PACSIN1: variants seen among roughly 807,000 people sequenced by gnomAD.
The protein encoded by PACSIN1 is protein kinase C and casein kinase substrate in neurons 1, also known as protein kinase C and casein kinase substrate in neurons protein 1.
In PACSIN1, 15 loss-of-function variants were observed where a neutral mutation model predicts 59.5. That is an observed-to-expected ratio of 0.25 (90% CI 0.17 to 0.39). PACSIN1 has a LOEUF of 0.39. PACSIN1 is among the 10% of genes least tolerant of loss of function. PACSIN1 has a pLI of 1.00. For missense variants in PACSIN1, 420 were observed against 580.2 expected, an observed-to-expected ratio of 0.72 and a Z score of 2.84; for synonymous variants, 210 against 220.6, an observed-to-expected ratio of 0.95 and a Z score of 0.42.
At chr6:34,486,537 A>G (rs935437265) in intron 1 of PACSIN1, among the ~76,000 whole-genome samples, 1 of 152,126 alleles carries the variant, frequency 6.6e-6, no homozygotes, top group African/African-American at 2.4e-5. Context: ...CAGGGAGGAC[A>G]CTGGGGTCCA....
chr6:34,468,607 G>T (rs1270914320), intron 1 of PACSIN1, among the ~76,000 whole-genome samples: 1 of 152,126 alleles, frequency 6.6e-6, no homozygotes, highest in African/African-American at 2.4e-5. Context: ...TCACCTGCAG[G>T]CCTTTGCACA....
intron 1 of PACSIN1, among the ~76,000 whole-genome samples, chr6:34,510,759 T>C (rs1285360725): frequency 6.6e-6 from 1 of 152,226 alleles, no homozygotes; most frequent in Non-Finnish European, 1.5e-5. Context: ...CTCACCTAGG[T>C]TGGAGTGCAG....
At chr6:34,511,027 TG>T (rs536081955) in intron 1 of PACSIN1, among the ~76,000 whole-genome samples, 197 of 152,342 alleles carry the variant, frequency 1.3e-3, no homozygotes, top group African/African-American at 4.2e-3. Context: ...TTATTTTTCT[TG>T]GTAGCACTGC....
intron 2 of PACSIN1, 134 bp downstream of exon 2, chr6:34,526,502 C>T (rs1003954142): frequency 1.5e-6 from 1 of 675,588 alleles, no homozygotes; most frequent in Non-Finnish European, 2.5e-6. Flanking sequence ...CCCTGGGTGT[C>T]CAACAGGCAG....
At chr6:34,468,761 T>A (rs1766531221) in intron 1 of PACSIN1, among the ~76,000 whole-genome samples, 1 of 152,202 alleles carries the variant, frequency 6.6e-6, no homozygotes, top group Admixed American at 6.5e-5. Flanking sequence ...ACAGCCTGGC[T>A]GCCTCCCCTG....
At chr6:34,487,004 CA>C (rs3042080) in intron 1 of PACSIN1, among the ~76,000 whole-genome samples, 256 of 133,812 alleles carry the variant, frequency 1.9e-3, no homozygotes, top group Admixed American at 1.9e-3. Context: ...CCATCTCTAC[CA>C]AAAAAAAAAA....
intron 1 of PACSIN1, among the ~76,000 whole-genome samples, chr6:34,482,516 C>T (rs1447613194): frequency 6.6e-6 from 1 of 152,122 alleles, no homozygotes; most frequent in Non-Finnish European, 1.5e-5. Context: ...ATCCACTCAT[C>T]CATTGATGGA....
chr6:34,530,205 A>G lies in PACSIN1; in HGVS notation c.789-38A>G. On this transcript the variant is annotated intron_variant, in intron 6 of 9. Transcript: ENST00000244458. This position sits in a 1 kb window ranked among gnomAD's most constrained non-coding sequence, Gnocchi z 4.4. ...CAAGGTTGAGGAGGGGCCATGTTGA[A>G]TCTGTGCCCTCCACCTCCCCCATCT... 1 of 1,580,680 alleles carries G rather than the reference A, an allele frequency of 6.3e-7. No individual in the cohort carries two copies. Among genetic ancestry groups the G allele is most frequent in the South Asian group, 1.2e-5 (1 of 86,362 alleles).
In PACSIN1 at chr6:34,528,703, G is replaced by A. The variant is rs1446674920; in HGVS notation, c.282G>A (p.Val94=). The change falls in exon 4 of 10, where the codon GTG becomes GTA. Residue 94 remains valine, a synonymous_variant. Coordinates refer to ENST00000244458, the MANE Select transcript of PACSIN1 (RefSeq NM_020804.5). ...CCATAATGACAGAGGCAGACAAGGT[G>A]AGCGAGCTGCACCAGGAGGTGAAGA... ...WGAIMTEADK[V]SELHQEVKNN... is the part of the protein sequence containing the mutation. 2 of 1,613,974 alleles carry A rather than the reference G, an allele frequency of 1.2e-6. No homozygotes were observed. Among genetic ancestry groups the A allele is most frequent in the Non-Finnish European group, 1.7e-6 (2 of 1,180,028 alleles).
chr6:34,492,547 C>T (rs1766893742), intron 1 of PACSIN1, among the ~76,000 whole-genome samples: 1 of 152,140 alleles, frequency 6.6e-6, no homozygotes, highest in East Asian at 1.9e-4. Flanking sequence ...CCATGCCCAG[C>T]TAATTTTGTA....
chr6:34,531,443 G>A lies in PACSIN1; in HGVS notation c.1038-157G>A, dbSNP rs57348171. On this transcript the variant is annotated intron_variant, in intron 8 of 9. Coordinates refer to ENST00000244458, the MANE Select transcript of PACSIN1 (RefSeq NM_020804.5). The surrounding 1 kb of genome is among the most constrained non-coding windows in gnomAD (Gnocchi z 4.4). ...GCAAATGGTCCTGCATTTAAACATC[G>A]GTTTAAAGAGCTCATGAGGGTCACC... Among the ~76,000 whole-genome samples, 2,517 of 152,284 alleles carry A rather than the reference G, an allele frequency of 0.017. 61 individuals are homozygous for A. The highest frequency in any genetic ancestry group is 0.057 in the African/African-American group (2,372 of 41,538).
Position 34,530,567 on chromosome 6 carries a change from C to T in PACSIN1, c.1017C>T (p.Ser339=). Residue 339 remains serine, a synonymous_variant, in exon 8 of 10, where the codon TCC becomes TCT. Transcript: ENST00000244458. This position sits in a 1 kb window ranked among gnomAD's most constrained non-coding sequence, Gnocchi z 4.4. ...CCACTGGGGCGGTAGAGTCCACATC[C>T]CAGGCTGGGGACCGCGGCAGGTGAG... The part of the protein sequence containing the change: ...TNATGAVEST[S]QAGDRGSVSS... 1 of 1,590,888 alleles carries T rather than the reference C, an allele frequency of 6.3e-7. No homozygotes were observed. Among genetic ancestry groups the T allele is most frequent in the Non-Finnish European group, 8.6e-7 (1 of 1,168,308 alleles).
intron 3 of PACSIN1, among the ~76,000 whole-genome samples, chr6:34,528,308 G>C (rs1365894744): frequency 6.6e-6 from 1 of 152,232 alleles, no homozygotes; most frequent in Non-Finnish European, 1.5e-5. Context: ...TGCTGGGCTT[G>C]TCAGAGCTCA....
chr6:34,515,988 G>A lies in PACSIN1; in HGVS notation c.-63-10255G>A, dbSNP rs147099358. Among the ~76,000 whole-genome samples the A allele has an allele frequency of 6.6e-5, 10 of 152,106 alleles. No homozygotes were observed. Among genetic ancestry groups the A allele is most frequent in the Non-Finnish European group, 1.2e-4 (8 of 67,996 alleles). ...GGGGGCCCACAGGAGTTCACGGTGGGGCACACCTGGTCCAGTTTTGCCCTG... is the reference window on the plus strand; with the variant it reads ...GGGGGCCCACAGGAGTTCACGGTGGAGCACACCTGGTCCAGTTTTGCCCTG... On this transcript the variant is annotated intron_variant, in intron 1 of 9. Transcript: ENST00000244458. The surrounding 1 kb of genome is among the most constrained non-coding windows in gnomAD (Gnocchi z 4.4).
chr6:34,521,374 C>T lies in PACSIN1; in HGVS notation c.-63-4869C>T, dbSNP rs1158291533. On this transcript the variant is annotated intron_variant, in intron 1 of 9. Transcript: ENST00000244458. This position sits in a 1 kb window ranked among gnomAD's most constrained non-coding sequence, Gnocchi z 4.3. Reference sequence around the variant, plus strand: ...ACACGAGGCCTGGCCTCTCCAGGCTCCTGCTCTTAATTCCTCTGTCCCTTC... The same window carrying T: ...ACACGAGGCCTGGCCTCTCCAGGCTTCTGCTCTTAATTCCTCTGTCCCTTC... 1.3e-5 allele frequency among the ~76,000 whole-genome samples: 2 copies of T among 152,182 alleles called. No individual in the cohort carries two copies. The highest frequency in any genetic ancestry group is 2.9e-5 in the Non-Finnish European group (2 of 68,028).
intron 2 of PACSIN1, 60 bp downstream of exon 2, chr6:34,526,428 G>A (rs753882169): frequency 7.0e-7 from 1 of 1,434,856 alleles, no homozygotes; most frequent in African/African-American, 1.4e-5. Flanking sequence ...TGGAGGCCAG[G>A]CTCCCTTATC....
At position 34,488,348 on chromosome 6, in the gene PACSIN1, GGAT is replaced by G. The variant is rs1444970509; in HGVS notation, c.-64+22082_-64+22084del. ...TGAGGCTTGTACAGAAGGCCCAAGT[GGAT>G]GATCAGGGCCAGTTATTCCTGCCAG... On this transcript the variant is annotated intron_variant, in intron 1 of 9. Coordinates refer to ENST00000244458, the MANE Select transcript of PACSIN1 (RefSeq NM_020804.5). This position sits in a 1 kb window ranked among gnomAD's most constrained non-coding sequence, Gnocchi z 4.7. 6.6e-6 allele frequency among the ~76,000 whole-genome samples: 1 copy of G among 152,172 alleles called. No homozygotes were observed. Among genetic ancestry groups the G allele is most frequent in the African/African-American group, 2.4e-5 (1 of 41,442 alleles).
At chr6:34,528,912 T>TGGGCCGCGGGGGGGGGGGGGGG in intron 4 of PACSIN1, 35 bp downstream of exon 4, 1 of 464,336 alleles carries the variant, frequency 2.2e-6, no homozygotes, top group Non-Finnish European at 4.2e-6. Context: ...CGGGGTGGGG[T>TGGGCCGCGGGGGGGGGGGGGGG]GGGCCCGTCT....
At position 34,529,622 on chromosome 6, in the gene PACSIN1, A is replaced by C; in HGVS notation, c.613-44A>C. On this transcript the variant is annotated intron_variant, in intron 5 of 9. Coordinates refer to ENST00000244458, the MANE Select transcript of PACSIN1 (RefSeq NM_020804.5). The surrounding 1 kb of genome is among the most constrained non-coding windows in gnomAD (Gnocchi z 6.3). ...GCAGAGGGTGGTGGCTGGGAGCTGC[A>C]GGCCTGGCTAGGTGTCACCCTCTCT... The C allele has an allele frequency of 6.2e-7, 1 of 1,612,370 alleles. No individual in the cohort carries two copies. Among genetic ancestry groups the C allele is most frequent in the South Asian group, 1.1e-5 (1 of 91,004 alleles).
Sources: gnomAD v4.1 joint callset for allele counts (sites outside exome capture counted in the v4.1 genomes callset) on GRCh38, gnomAD v4.1.1 for gene constraint, Gnocchi (gnomAD v3.1) non-coding constraint, MANE v1.5 for transcripts, NCBI Gene and HGNC (gene_info 2026-07-23, HGNC 2026-07-21) for gene names.